PCNX1: variants seen among roughly 807,000 people sequenced by gnomAD.
PCNX1 encodes pecanex-like protein 1.
Under a neutral mutation model 242.2 loss-of-function variants are expected in PCNX1, and 78 were observed. That is an observed-to-expected ratio of 0.32 (90% CI 0.27 to 0.39). The LOEUF is 0.39. Ranked by LOEUF, PCNX1 falls within the 10% of genes least tolerant of loss-of-function variation. PCNX1 has a pLI of 1.00. For missense variants in PCNX1, 2,581 were observed against 2,856.5 expected (o/e 0.90, Z 2.20); for synonymous variants, 1,024 against 1,032.9 (o/e 0.99, Z 0.17).
At chr14:71,068,350 A>G (rs568023227) in intron 26 of PCNX1, among the ~76,000 whole-genome samples, 5 of 151,140 alleles carry the variant, frequency 3.3e-5, no homozygotes, top group African/African-American at 4.8e-5. Flanking sequence ...ATATATGTGT[A>G]TATATATGTA....
Position 70,988,547 on chromosome 14 carries a change from C to G in PCNX1, c.2312-20C>G. On this transcript the variant is annotated intron_variant, in intron 6 of 35. Transcript: ENST00000304743. ...TCTCTGACCTAGGCTCTTGTTTGAC[C>G]TAAGTCTGTCTTGATGCAGCAGCAC... 3 of 1,611,988 alleles carry G rather than the reference C, an allele frequency of 1.9e-6. No homozygotes were observed. Among genetic ancestry groups the G allele is most frequent in the East Asian group, 2.2e-5 (1 of 44,822 alleles).
At chr14:71,020,748 A>G (rs901783436) in intron 12 of PCNX1, among the ~76,000 whole-genome samples, 25 of 152,284 alleles carry the variant, frequency 1.6e-4, no homozygotes, top group Non-Finnish European at 3.2e-4. Flanking sequence ...TTTGCTGTAC[A>G]GAAGCTCTTT....
At chr14:70,923,294 A>G (rs948307110) in intron 1 of PCNX1, among the ~76,000 whole-genome samples, 3 of 152,174 alleles carry the variant, frequency 2.0e-5, no homozygotes, top group African/African-American at 7.2e-5. Flanking sequence ...TCCATGCTAT[A>G]AAATTCTGCT....
At chr14:70,994,396 G>GATATAGATAGATAT (rs1555357280) in intron 7 of PCNX1, among the ~76,000 whole-genome samples, 5 of 96,966 alleles carry the variant, frequency 5.2e-5, no homozygotes, top group African/African-American at 1.9e-4. Context: ...ACAGGCTTAA[G>GATATAGATAGATAT]ATATATATAT....
chr14:71,031,077 G>C (rs2158997), intron 16 of PCNX1, among the ~76,000 whole-genome samples: 55,649 of 152,038 alleles, frequency 0.37, 10,462 homozygotes, highest in East Asian at 0.62. Flanking sequence ...TTAGCCAGAA[G>C]CCCTTCCACC....
intron 8 of PCNX1, among the ~76,000 whole-genome samples, chr14:71,004,265 A>G (rs954143394): frequency 1.3e-5 from 2 of 152,160 alleles, no homozygotes; most frequent in Admixed American, 1.3e-4. Context: ...CCCCTAATCT[A>G]GGGAGAAACA....
intron 19 of PCNX1, among the ~76,000 whole-genome samples, chr14:71,040,243 T>C (rs941953669): frequency 3.9e-5 from 6 of 152,202 alleles, no homozygotes; most frequent in South Asian, 4.1e-4. Flanking sequence ...AGATACTTCA[T>C]TGGGTATAAA....
intron 1 of PCNX1, among the ~76,000 whole-genome samples, chr14:70,943,557 G>C (rs1194883029): frequency 1.3e-5 from 2 of 152,184 alleles, no homozygotes; most frequent in Non-Finnish European, 2.9e-5. Flanking sequence ...AGAGGTGACA[G>C]AGCATAAAAG....
rs561147891 is a variant in PCNX1, at chr14:70,960,835, A to G, written c.363-1391A>G. Among the ~76,000 whole-genome samples, 27 of 152,210 alleles carry G rather than the reference A, an allele frequency of 1.8e-4. No individual in the cohort carries two copies. The East Asian group carries it at 3.3e-3, about 18-fold the overall frequency. Reference sequence around the variant, plus strand: ...AGCAAAGTCTCAGGATACAAAATCAATGTACAAAAATCACAAGCATTCTTA... The same window carrying G: ...AGCAAAGTCTCAGGATACAAAATCAGTGTACAAAAATCACAAGCATTCTTA... On this transcript the variant is annotated intron_variant, in intron 2 of 35. Coordinates refer to ENST00000304743, the MANE Select transcript of PCNX1 (RefSeq NM_014982.3).
At chr14:70,954,163 A>G (rs1370331913) in intron 2 of PCNX1, among the ~76,000 whole-genome samples, 1 of 152,084 alleles carries the variant, frequency 6.6e-6, no homozygotes, top group African/African-American at 2.4e-5. Flanking sequence ...TGTTAAGTGG[A>G]CTATCTTTTC....
At chr14:71,031,975 G>A (rs2060399124) in intron 16 of PCNX1, 3 of 1,266,180 alleles carry the variant, frequency 2.4e-6, no homozygotes, top group African/African-American at 1.5e-5. Context: ...TAGGCACTGT[G>A]GTTCATTGTC....
chr14:70,958,836 A>G (rs1054868506), intron 2 of PCNX1, among the ~76,000 whole-genome samples: 2 of 150,822 alleles, frequency 1.3e-5, no homozygotes, highest in Non-Finnish European at 3.0e-5. Context: ...GGTGGGGTCA[A>G]CATTACCCAA....
intron 20 of PCNX1, among the ~76,000 whole-genome samples, chr14:71,045,492 C>T (rs562556834): frequency 2.2e-4 from 33 of 152,214 alleles, no homozygotes; most frequent in African/African-American, 6.5e-4. Flanking sequence ...TGCCAGTTTT[C>T]CACAGAAGAA....
chr14:71,061,949 C>T (rs1214113582), intron 26 of PCNX1, among the ~76,000 whole-genome samples: 7 of 152,072 alleles, frequency 4.6e-5, no homozygotes, highest in African/African-American at 2.4e-5. Context: ...CAAGAAAATT[C>T]ACAGTGAAGG....
chr14:71,093,838 A>C (rs933939287), intron 30 of PCNX1: 4 of 152,228 alleles, frequency 2.6e-5, no homozygotes, highest in Admixed American at 2.0e-4. Context: ...ACTTCTACTT[A>C]ATGAACAGTA....
intron 6 of PCNX1, among the ~76,000 whole-genome samples, chr14:70,985,535 T>C (rs2058975899): frequency 1.3e-5 from 2 of 152,206 alleles, no homozygotes; most frequent in East Asian, 1.9e-4. Context: ...CTTAAACTTA[T>C]TATGATTGTG....
chr14:71,094,837 C>T lies in PCNX1; in HGVS notation c.5589+5495C>T, dbSNP rs115283840. Among the ~76,000 whole-genome samples, 1,353 of 152,188 alleles carry T rather than the reference C, an allele frequency of 8.9e-3. 9 individuals carry two copies. The highest frequency in any genetic ancestry group is 0.017 in the South Asian group (81 of 4,822). On this transcript the variant is annotated intron_variant, in intron 30 of 35. Transcript: ENST00000304743. ...GTCCCAGCTACTTGGGAAGCTGAGA[C>T]GGGGGATCATTTGAGTCCAAGAGTT...
At chr14:71,011,824 T>C (rs908915642) in intron 10 of PCNX1, 17 of 329,080 alleles carry the variant, frequency 5.2e-5, no homozygotes, top group African/African-American at 3.0e-4. Context: ...GAAATGGCTG[T>C]GTTATATATA....
At chr14:71,085,765 G>A (rs972688470) in intron 28 of PCNX1, 1 of 338,748 alleles carries the variant, frequency 3.0e-6, no homozygotes. Flanking sequence ...AGTCTTCTCA[G>A]TCATAAGGCC....
Sources: allele counts gnomAD v4.1 joint callset (sites outside exome capture counted in the v4.1 genomes callset), GRCh38; gene constraint gnomAD v4.1.1; transcripts MANE v1.5; gene names NCBI Gene and HGNC (gene_info 2026-07-23, HGNC 2026-07-21).